Variants in ZMYND11 observed in about 807,000 individuals in gnomAD.
ZMYND11 encodes zinc finger MYND domain-containing protein 11.
A neutral mutation model predicts 84.9 loss-of-function variants in ZMYND11; 9 were observed. That is an observed-to-expected ratio of 0.11 (90% CI 0.06 to 0.18). The LOEUF (loss-of-function observed/expected upper bound fraction) is 0.18, where lower values mean the gene tolerates loss of function less well. Ranked by LOEUF, ZMYND11 falls within the 10% of genes least tolerant of loss-of-function variation. The pLI is 1.00. For missense variants in ZMYND11, 409 were observed against 761.0 expected (o/e 0.54, Z 5.44); for synonymous variants, 250 against 244.1 (o/e 1.02, Z -0.23).
chr10:238,981 G>C (rs1950446423), intron 6 of ZMYND11, among the ~76,000 whole-genome samples: 1 of 152,108 alleles, frequency 6.6e-6, no homozygotes. Context: ...CCCCAATTCA[G>C]AACTATAAAT....
chr10:181,354 C>CA (rs1564330917), intron 2 of ZMYND11, among the ~76,000 whole-genome samples: 1 of 152,186 alleles, frequency 6.6e-6, no homozygotes. Flanking sequence ...CTCAGTGGCT[C>CA]ACGCCTGTAA....
intron 10 of ZMYND11, among the ~76,000 whole-genome samples, chr10:246,344 C>A (rs1468735956): frequency 6.6e-6 from 1 of 152,060 alleles, no homozygotes. Flanking sequence ...TTAGTGCTAA[C>A]GGCAAATAGC....
At chr10:237,790 C>A in intron 6 of ZMYND11, 113 bp downstream of exon 6, 1 of 656,572 alleles carries the variant, frequency 1.5e-6, no homozygotes, top group Non-Finnish European at 2.5e-6. Context: ...TGAAAGTGTA[C>A]TTTTTTCCAC....
chr10:238,931 T>C (rs562095805), intron 6 of ZMYND11, among the ~76,000 whole-genome samples: 10 of 152,324 alleles, frequency 6.6e-5, no homozygotes, highest in African/African-American at 2.4e-4. Context: ...CAGGGACACC[T>C]GAGATGTTAT....
chr10:175,278 A>G (rs956108769), intron 1 of ZMYND11, among the ~76,000 whole-genome samples: 4 of 152,226 alleles, frequency 2.6e-5, no homozygotes, highest in Non-Finnish European at 5.9e-5. Flanking sequence ...TCTAAAAAAT[A>G]AAGTTTACTA....
chr10:252,212 A>G lies in ZMYND11; in HGVS notation c.1687-136A>G. 1 of 1,104,722 alleles carries G rather than the reference A, an allele frequency of 9.1e-7. No homozygotes were observed. The highest frequency in any genetic ancestry group is 1.6e-5 in the South Asian group (1 of 62,580). The allele number at this position is 1,104,722 out of a possible 1,614,324, so 68.4% of individuals were successfully genotyped here. On this transcript the variant is annotated intron_variant, in intron 14 of 14. Coordinates refer to ENST00000381604, the MANE Select transcript of ZMYND11 (RefSeq NM_001370100.5). This position sits in a 1 kb window ranked among gnomAD's most constrained non-coding sequence, Gnocchi z 4.6. Reference sequence around the variant, plus strand: ...GGCTCCCTTTCCATCTGCTGTGCATAAAACGTATTCAGATTCCACAAAAGG... The same window carrying G: ...GGCTCCCTTTCCATCTGCTGTGCATGAAACGTATTCAGATTCCACAAAAGG...
At chr10:223,779 G>T (rs1947581652) in intron 4 of ZMYND11, among the ~76,000 whole-genome samples, 2 of 152,164 alleles carry the variant, frequency 1.3e-5, no homozygotes, top group African/African-American at 4.8e-5. Context: ...TCTTTAAGGT[G>T]AAGTTATTGG....
In ZMYND11 at chr10:185,824, A is replaced by AC. The variant is rs1319616077; in HGVS notation, c.116+5696_116+5697insC. Among the ~76,000 whole-genome samples the AC allele has an allele frequency of 6.0e-5, 9 of 150,714 alleles. 1 individual carries two copies. Among genetic ancestry groups the AC allele is most frequent in the Admixed American group, 2.0e-4 (3 of 15,164 alleles). On this transcript the variant is annotated intron_variant, in intron 2 of 14. Coordinates refer to ENST00000381604, the MANE Select transcript of ZMYND11 (RefSeq NM_001370100.5). ...GTGAAACTCCGTCTCAAAAAAACAA[A>AC]AAAACAAAAAAACAAAAAAAAAGAC... is the stretch of plus-strand genomic sequence containing the variant.
At chr10:233,352 A>AT (rs1336226639) in intron 4 of ZMYND11, among the ~76,000 whole-genome samples, 1 of 152,140 alleles carries the variant, frequency 6.6e-6, no homozygotes, top group African/African-American at 2.4e-5. Flanking sequence ...GGGCCAGTAG[A>AT]TCCCCACTCC....
At chr10:224,251 AC>A (rs1947689310) in intron 4 of ZMYND11, among the ~76,000 whole-genome samples, 1 of 152,204 alleles carries the variant, frequency 6.6e-6, no homozygotes. Flanking sequence ...GCTTTATCTT[AC>A]GTATCTATTT....
chr10:215,426 T>G (rs1281604072), intron 3 of ZMYND11, among the ~76,000 whole-genome samples: 3 of 152,218 alleles, frequency 2.0e-5, no homozygotes, highest in Non-Finnish European at 4.4e-5. Flanking sequence ...AAATAATGTA[T>G]GAGTTTAGGA....
intron 2 of ZMYND11, among the ~76,000 whole-genome samples, chr10:208,254 A>G (rs1944543789): frequency 6.6e-6 from 1 of 152,372 alleles, no homozygotes. Context: ...CTTCGTGTCT[A>G]AAACACCAAA....
intron 2 of ZMYND11, among the ~76,000 whole-genome samples, chr10:200,662 A>G (rs1942980488): frequency 6.6e-6 from 1 of 152,074 alleles, no homozygotes; most frequent in African/African-American, 2.4e-5. Context: ...TGATAGGATT[A>G]TCTGTAAGGC....
At chr10:162,574 GA>G (rs1228549219) in intron 1 of ZMYND11, among the ~76,000 whole-genome samples, 8 of 151,984 alleles carry the variant, frequency 5.3e-5, no homozygotes, top group Admixed American at 5.2e-4. Flanking sequence ...AATGAATGTT[GA>G]ATTTTGTCAA....
chr10:233,062 C>T (rs1041754303), intron 4 of ZMYND11, among the ~76,000 whole-genome samples: 5 of 152,304 alleles, frequency 3.3e-5, no homozygotes, highest in East Asian at 1.9e-4. Context: ...GTTTACATGA[C>T]GAGGTCTCTT....
chr10:180,552 AC>A (rs1300642935), intron 2 of ZMYND11, among the ~76,000 whole-genome samples: 1 of 152,166 alleles, frequency 6.6e-6, no homozygotes, highest in Non-Finnish European at 1.5e-5. Flanking sequence ...GGCACCCGCC[AC>A]CACGCCCAGC....
intron 1 of ZMYND11, chr10:154,915 G>C (rs1469805503): frequency 6.6e-6 from 1 of 152,098 alleles, no homozygotes; most frequent in Admixed American, 6.5e-5. Flanking sequence ...GGTGAGATCA[G>C]GTGTGTTCAG....
chr10:194,614 C>A (rs546974506), intron 2 of ZMYND11, among the ~76,000 whole-genome samples: 1 of 152,202 alleles, frequency 6.6e-6, no homozygotes, highest in East Asian at 1.9e-4. Flanking sequence ...CGAGTCATTC[C>A]GCTCGATTTA....
At chr10:180,603 G>C (rs1450155143) in intron 2 of ZMYND11, among the ~76,000 whole-genome samples, 1 of 152,190 alleles carries the variant, frequency 6.6e-6, no homozygotes, top group African/African-American at 2.4e-5. Flanking sequence ...GTTTCACCAT[G>C]TTGGCCAGGC....
Sources: gnomAD v4.1 joint callset for allele counts (sites outside exome capture counted in the v4.1 genomes callset) on GRCh38, gnomAD v4.1.1 for gene constraint, Gnocchi (gnomAD v3.1) non-coding constraint, MANE v1.5 for transcripts, NCBI Gene and HGNC (gene_info 2026-07-23, HGNC 2026-07-21) for gene names.